Variants in SERPINB10 observed in about 807,000 individuals in gnomAD.
SERPINB10 encodes serpin B10.
Under a neutral mutation model 39.1 loss-of-function variants are expected in SERPINB10, and 35 were observed. That is an observed-to-expected ratio of 0.90 (90% CI 0.68 to 1.19). SERPINB10 has a LOEUF of 1.19. SERPINB10 is among the 50% of genes most tolerant of loss of function. SERPINB10 has a pLI of 0.00. For synonymous variants in SERPINB10, 190 were observed against 158.1 expected, an observed-to-expected ratio of 1.20 and a Z score of -1.52; for missense variants, 546 against 460.5, an observed-to-expected ratio of 1.19 and a Z score of -1.70.
At chr18:63,920,561 C>A (rs2050139564) in intron 5 of SERPINB10, among the ~76,000 whole-genome samples, 1 of 151,972 alleles carries the variant, frequency 6.6e-6, no homozygotes. Flanking sequence ...GTTGTAGTAG[C>A]AGCAGGAAGT....
intron 2 of SERPINB10, among the ~76,000 whole-genome samples, chr18:63,916,249 T>C (rs1400513949): frequency 2.6e-5 from 4 of 151,516 alleles, no homozygotes; most frequent in African/African-American, 9.7e-5. Context: ...AATATATATA[T>C]GTAGTCATAG....
At chr18:63,913,718 C>T (rs377100734) in intron 1 of SERPINB10, among the ~76,000 whole-genome samples, 4 of 152,032 alleles carry the variant, frequency 2.6e-5, no homozygotes, top group African/African-American at 7.2e-5. Flanking sequence ...GTATATTCCG[C>T]GTGCAGATGA....
chr18:63,917,105 C>G (rs1722328115), intron 2 of SERPINB10, among the ~76,000 whole-genome samples: 1 of 151,948 alleles, frequency 6.6e-6, no homozygotes, highest in African/African-American at 2.4e-5. Context: ...CCTAAACTGT[C>G]TAAATGATGG....
In SERPINB10 at chr18:63,916,919, A is replaced by C. The variant is rs560320723; in HGVS notation, c.169-537A>C. On this transcript the variant is annotated intron_variant, in intron 2 of 7. Coordinates refer to ENST00000238508, the MANE Select transcript of SERPINB10 (RefSeq NM_005024.3). ...TTGCCTTCTGTTCTATTGTTGTACAATTCCAAGGAAAGAAGAGTATCTACA... is the reference window on the plus strand; with the variant it reads ...TTGCCTTCTGTTCTATTGTTGTACACTTCCAAGGAAAGAAGAGTATCTACA... Among the ~76,000 whole-genome samples, 6 of 152,188 alleles carry C rather than the reference A, an allele frequency of 3.9e-5. No homozygotes were observed. The South Asian group carries it at 1.0e-3, about 26-fold the overall frequency.
chr18:63,930,265 T>C (rs1326447284), intron 6 of SERPINB10, 78 bp downstream of exon 6: 2 of 1,481,590 alleles, frequency 1.3e-6, no homozygotes, highest in East Asian at 2.3e-5. Context: ...CACTCTTCTT[T>C]TAGATTGTAT....
chr18:63,923,532 T>TC (rs1431767148), intron 5 of SERPINB10, among the ~76,000 whole-genome samples: 1 of 151,920 alleles, frequency 6.6e-6, no homozygotes, highest in Non-Finnish European at 1.5e-5. Context: ...CCCTGAACCT[T>TC]CCCCAGAAGA....
At chr18:63,928,664 T>C (rs1396066348) in intron 5 of SERPINB10, among the ~76,000 whole-genome samples, 1 of 152,116 alleles carries the variant, frequency 6.6e-6, no homozygotes, top group African/African-American at 2.4e-5. Context: ...ATATTGATTC[T>C]TCCTACCCAT....
At position 63,917,497 on chromosome 18, in the gene SERPINB10, TG is replaced by T. The variant is rs2050112322; in HGVS notation, c.211del (p.Glu71LysfsTer12). On this transcript the variant is annotated frameshift_variant, in exon 3 of 8. Coordinates refer to ENST00000238508, the MANE Select transcript of SERPINB10 (RefSeq NM_005024.3). LOFTEE classifies it high-confidence loss of function. ...GAGACCAGGGAGTCAAATGTGACCC[TG>T]AAAGTGAAAAAAAAAGGAAAATGGT... ...NRDQGVKCDP[E>X]SEKKRKMEFN... 1 of 1,577,424 alleles carries T rather than the reference TG, an allele frequency of 6.3e-7. No individual in the cohort carries two copies. Among genetic ancestry groups the T allele is most frequent in the Admixed American group, 1.8e-5 (1 of 54,572 alleles).
intron 1 of SERPINB10, among the ~76,000 whole-genome samples, chr18:63,915,111 G>A (rs185522172): frequency 1.9e-4 from 29 of 152,138 alleles, no homozygotes; most frequent in East Asian, 7.7e-4. Context: ...TTGGGTGCAC[G>A]AAGCAGCATA....
chr18:63,916,487 T>A (rs2050103926), intron 2 of SERPINB10, among the ~76,000 whole-genome samples: 1 of 151,932 alleles, frequency 6.6e-6, no homozygotes, highest in Admixed American at 6.6e-5. Context: ...CTGAGGGAAG[T>A]GGGCAGAACA....
Position 63,915,514 on chromosome 18 carries a change from G to A in SERPINB10, c.4G>A (p.Asp2Asn). M[D>N]SLATSINQFA... ...TTATTTTTCTTAGGTTTCCTCAATG[G>A]ACTCTCTAGCAACATCAATCAACCA... The change falls in exon 2 of 8, where the codon GAC becomes AAC. Residue 2 changes from aspartate (D) to asparagine (N), a missense_variant. By Grantham distance (23) the Asp-to-Asn change is conservative. Coordinates refer to ENST00000238508, the MANE Select transcript of SERPINB10 (RefSeq NM_005024.3). 1 of 1,596,940 alleles carries A rather than the reference G, an allele frequency of 6.3e-7. No individual in the cohort carries two copies. Among genetic ancestry groups the A allele is most frequent in the Non-Finnish European group, 8.5e-7 (1 of 1,170,476 alleles).
rs1038109192 is a variant in SERPINB10 at position 63,935,453 on chromosome 18, A to C, written c.*211A>C. 17 of 490,310 alleles carry C rather than the reference A, an allele frequency of 3.5e-5. No homozygotes were observed. In the Middle Eastern group the frequency reaches 2.0e-3, roughly 59 times the overall value. The allele number at this position is 490,310 out of a possible 1,614,324, so 30.4% of individuals were successfully genotyped here. On this transcript the variant is annotated 3_prime_UTR_variant, in exon 8 of 8. Coordinates refer to ENST00000238508, the MANE Select transcript of SERPINB10 (RefSeq NM_005024.3). ...TGACGATTTTTATTTTTAACACGTT[A>C]ACATTTTGTCTAATGTGACTTTCAT...
intron 1 of SERPINB10, among the ~76,000 whole-genome samples, chr18:63,915,224 C>T (rs2050092573): frequency 1.3e-5 from 2 of 151,996 alleles, no homozygotes; most frequent in South Asian, 4.1e-4. Flanking sequence ...AAGAGAGTGG[C>T]AAAAACTATG....
At chr18:63,918,201 C>A in intron 4 of SERPINB10, 99 bp downstream of exon 4, 2 of 1,278,352 alleles carry the variant, frequency 1.6e-6, no homozygotes, top group Non-Finnish European at 1.1e-6. Context: ...CAGGGACAAT[C>A]TTCATGTGGT....
chr18:63,912,193 A>G (rs1447919405), intron 1 of SERPINB10, among the ~76,000 whole-genome samples: 2 of 151,862 alleles, frequency 1.3e-5, no homozygotes, highest in African/African-American at 4.8e-5. Context: ...TGGAGTCTTT[A>G]GGGTTTTGTA....
chr18:63,919,348 G>T (rs1310019226), intron 4 of SERPINB10, among the ~76,000 whole-genome samples: 1 of 150,956 alleles, frequency 6.6e-6, no homozygotes, highest in Admixed American at 6.6e-5. Flanking sequence ...GATTCTTGTT[G>T]TTTAGAATCC....
intron 1 of SERPINB10, among the ~76,000 whole-genome samples, chr18:63,913,759 G>C (rs1291785212): frequency 4.6e-5 from 7 of 151,998 alleles, no homozygotes; most frequent in African/African-American, 1.7e-4. Flanking sequence ...TTGATGGCTG[G>C]AGTATTCTGT....
intron 6 of SERPINB10, among the ~76,000 whole-genome samples, chr18:63,931,456 C>T (rs540098650): frequency 3.9e-5 from 6 of 152,256 alleles, no homozygotes; most frequent in East Asian, 3.9e-4. Flanking sequence ...CAGCCCTTGT[C>T]GTATGGCCAC....
At chr18:63,917,045 GA>G (rs72489788) in intron 2 of SERPINB10, among the ~76,000 whole-genome samples, 2 of 151,380 alleles carry the variant, frequency 1.3e-5, no homozygotes, top group South Asian at 2.1e-4. Context: ...CATTTAACTA[GA>G]AAAAAAACAA....
Sources: allele counts gnomAD v4.1 joint callset (sites outside exome capture counted in the v4.1 genomes callset), GRCh38; gene constraint gnomAD v4.1.1; transcripts MANE v1.5; gene names NCBI Gene and HGNC (gene_info 2026-07-23, HGNC 2026-07-21).